The following CAPN2 variants were observed in gnomAD, a reference collection of about 807,000 sequenced individuals.
The protein encoded by CAPN2 is calpain 2, also known as calpain-2 catalytic subunit.
A neutral mutation model predicts 102.3 loss-of-function variants in CAPN2; 92 were observed. The observed-to-expected ratio is 0.90, with a 90% CI of 0.76 to 1.07. The LOEUF (loss-of-function observed/expected upper bound fraction) is 1.07. Among genes scored for constraint, CAPN2 ranks in the 50% least tolerant of loss-of-function variants. CAPN2 has a pLI of 0.00. For missense variants in CAPN2, 800 were observed against 909.4 expected, an observed-to-expected ratio of 0.88 and a Z score of 1.55; for synonymous variants, 340 against 355.4, an observed-to-expected ratio of 0.96 and a Z score of 0.49.
chr1:223,702,625 A>G (rs1221880445), intron 1 of CAPN2, among the ~76,000 whole-genome samples: 1 of 152,180 alleles, frequency 6.6e-6, no homozygotes, highest in African/African-American at 2.4e-5. Flanking sequence ...TATATACATC[A>G]AGAAGAGAGC....
intron 15 of CAPN2, 62 bp downstream of exon 15, chr1:223,764,269 T>C (rs1195181096): frequency 1.4e-6 from 2 of 1,418,346 alleles, no homozygotes; most frequent in Admixed American, 1.7e-5. Context: ...GGAGGGAACA[T>C]GGAAATCTTT....
chr1:223,774,500 C>A (rs1487383882), intron 20 of CAPN2, among the ~76,000 whole-genome samples: 1 of 152,166 alleles, frequency 6.6e-6, no homozygotes, highest in Admixed American at 6.5e-5. Context: ...CCATTGGTTG[C>A]AGGGATATCC....
At chr1:223,732,746 C>T (rs1411221887) in intron 2 of CAPN2, among the ~76,000 whole-genome samples, 6 of 152,210 alleles carry the variant, frequency 3.9e-5, no homozygotes, top group African/African-American at 9.6e-5. Context: ...GTTCACACGC[C>T]TCTGACACAT....
rs757492985 is a variant in CAPN2, at chr1:223,747,020, T to G, written c.584T>G (p.Leu195Arg). The G allele has an allele frequency of 3.6e-5, 58 of 1,613,882 alleles. 2 individuals are homozygous for G. The South Asian group carries it at 6.4e-4, about 18-fold the overall frequency. ...AGGATCAACGGATGCTATGAAGCGC[T>G]ATCAGGGGGTGCCACCACTGAGGGC... ...YAKINGCYEA[L>R]SGGATTEGFE... Residue 195 changes from leucine to arginine, a missense_variant, in exon 5 of 21, where the codon CTA becomes CGA. Coordinates refer to ENST00000295006, the MANE Select transcript of CAPN2 (RefSeq NM_001748.5).
chr1:223,764,918 A>C (rs1045316094), intron 15 of CAPN2, among the ~76,000 whole-genome samples: 1 of 152,220 alleles, frequency 6.6e-6, no homozygotes, highest in Non-Finnish European at 1.5e-5. Context: ...TCTTAAGCAA[A>C]AAAATGTCAG....
chr1:223,771,638 A>C (rs370679795), intron 18 of CAPN2, 171 bp from the exon 19 acceptor site: 3 of 620,440 alleles, frequency 4.8e-6, no homozygotes, highest in Admixed American at 2.8e-5. Context: ...CAAAAGAAAC[A>C]GCAGAAGGTA....
rs1369439865 is a variant in CAPN2 at position 223,754,148 on chromosome 1, A to C, written c.1135+1192A>C. On this transcript the variant is annotated intron_variant, in intron 9 of 20. Transcript: ENST00000295006. The surrounding 1 kb of genome is among the most constrained non-coding windows in gnomAD (Gnocchi z 4.7). ...GGAGTCACTGTGTAAGTACAGTGGC[A>C]GCAGATCATGGTCACATAGTGATTC... 1.3e-5 allele frequency among the ~76,000 whole-genome samples: 2 copies of C among 152,218 alleles called. No individual in the cohort carries two copies. The highest frequency in any genetic ancestry group is 2.9e-5 in the Non-Finnish European group (2 of 68,038).
At chr1:223,734,076 A>G (rs1660392725) in intron 2 of CAPN2, among the ~76,000 whole-genome samples, 2 of 152,122 alleles carry the variant, frequency 1.3e-5, no homozygotes. Flanking sequence ...AAAGCAGGGA[A>G]GGGACCTCAA....
At position 223,775,011 on chromosome 1, in the gene CAPN2, G is replaced by GAGAT. The variant is rs1361029982; in HGVS notation, c.*157_*160dup. ...CTGAAAATAATGATACTGTCAATTTGAGATAGCAGAAGTTTCACACATCAA... is the reference window on the plus strand; with the variant it reads ...CTGAAAATAATGATACTGTCAATTTGAGATAGATAGCAGAAGTTTCACACATCAA... On this transcript the variant is annotated 3_prime_UTR_variant, in exon 21 of 21. Transcript: ENST00000295006. The GAGAT allele has an allele frequency of 1.5e-6, 1 of 674,170 alleles. No individual in the cohort carries two copies. The highest frequency in any genetic ancestry group is 2.7e-5 in the Admixed American group (1 of 36,602). 41.8% of individuals were successfully genotyped at this position (674,170 alleles called of 1,614,324 possible). A position where few individuals can be genotyped will look rare whatever the true frequency, so the allele number is the denominator to read the frequency against.
rs369686010 is a variant in CAPN2 at position 223,712,734 on chromosome 1, T to C, written c.94T>C (p.Tyr32His). The C allele has an allele frequency of 6.3e-7, 1 of 1,587,812 alleles. No individual in the cohort carries two copies. The highest frequency in any genetic ancestry group is 1.1e-5 in the South Asian group (1 of 87,076). ...GGCCATCAAGTACCTCAACCAGGAC[T>C]ACGAGGCGCTGCGGAACGAGTGCCT... is the stretch of plus-strand genomic sequence containing the variant. Reference protein sequence around the residue: ...DRAIKYLNQDYEALRNECLEA... With the variant: ...DRAIKYLNQDHEALRNECLEA... Residue 32 changes from tyrosine (Y) to histidine (H), a missense_variant, in exon 1 of 21, where the codon TAC (tyrosine) becomes CAC (histidine). Coordinates refer to ENST00000295006, the MANE Select transcript of CAPN2 (RefSeq NM_001748.5).
At chr1:223,748,312 G>A (rs896025245) in intron 5 of CAPN2, among the ~76,000 whole-genome samples, 1 of 152,306 alleles carries the variant, frequency 6.6e-6, no homozygotes, top group East Asian at 1.9e-4. Context: ...ACAGAGATAA[G>A]AAGCCCTGGC....
chr1:223,770,710 G>A (rs1365148933), intron 18 of CAPN2, 185 bp downstream of exon 18: 25 of 482,320 alleles, frequency 5.2e-5, no homozygotes, highest in Non-Finnish European at 8.5e-5. Flanking sequence ...AATGCAGTAG[G>A]ATGCTCTGCC....
intron 20 of CAPN2, among the ~76,000 whole-genome samples, chr1:223,773,613 G>C (rs1297490469): frequency 6.6e-6 from 1 of 152,136 alleles, no homozygotes; most frequent in Non-Finnish European, 1.5e-5. Flanking sequence ...AGGATTGCTT[G>C]AACCCGGGAG....
chr1:223,725,258 T>G lies in CAPN2; in HGVS notation c.307+7427T>G, dbSNP rs1243486021. The stretch of plus-strand genomic sequence containing the variant: ...ATTAGCCGGGCGTGGTGGCATGCAC[T>G]TGTAGTCCCAGCTACTCAGGAGGCT... On this transcript the variant is annotated intron_variant, in intron 2 of 20. Coordinates refer to ENST00000295006, the MANE Select transcript of CAPN2 (RefSeq NM_001748.5). The surrounding 1 kb of genome is among the most constrained non-coding windows in gnomAD (Gnocchi z 4.1). Among the ~76,000 whole-genome samples the G allele has an allele frequency of 6.6e-6, 1 of 151,908 alleles. No individual in the cohort carries two copies. Among genetic ancestry groups the G allele is most frequent in the Non-Finnish European group, 1.5e-5 (1 of 67,954 alleles).
In CAPN2 at chr1:223,725,165, T is replaced by C. The variant is rs1660156540; in HGVS notation, c.307+7334T>C. On this transcript the variant is annotated intron_variant, in intron 2 of 20. Transcript: ENST00000295006. The surrounding 1 kb of genome is among the most constrained non-coding windows in gnomAD (Gnocchi z 4.1). ...AAATGAAGATAATAATAGTGCCTAC[T>C]ATCAAGACCATCCTGGCTAACACGG... Among the ~76,000 whole-genome samples, 1 of 152,148 alleles carries C rather than the reference T, an allele frequency of 6.6e-6. No homozygotes were observed. Among genetic ancestry groups the C allele is most frequent in the Admixed American group, 6.5e-5 (1 of 15,276 alleles).
Position 223,772,184 on chromosome 1 carries a change from T to TAA in CAPN2, c.2025_2026insAA (p.Phe676AsnfsTer13). 6.2e-7 allele frequency: 1 copy of TAA among 1,614,088 alleles called. No homozygotes were observed. Among genetic ancestry groups the TAA allele is most frequent in the Non-Finnish European group, 8.5e-7 (1 of 1,179,940 alleles). ...CCCTCTTTTTCTCCCTCCACAGAGA[T>TAA]ATTTAAGCAGCTGGATCCCGAGAAT... On this transcript the variant is annotated frameshift_variant, in exon 20 of 21. Coordinates refer to ENST00000295006, the MANE Select transcript of CAPN2 (RefSeq NM_001748.5). LOFTEE classifies it high-confidence loss of function.
rs752078763 is a variant in CAPN2 at position 223,752,054 on chromosome 1, T to C, written c.957T>C (p.His319=). The C allele has an allele frequency of 1.9e-6, 3 of 1,612,094 alleles. No homozygotes were observed. The highest frequency in any genetic ancestry group is 2.5e-6 in the Non-Finnish European group (3 of 1,178,344). ...AGAGGGAAAGGCTGACCAGACGGCA[T>C]GAAGATGGAGAATTCTGGTAAGATT... ...PEERERLTRR[H]EDGEFWMSFS... is the part of the protein sequence containing the mutation. The change falls in exon 8 of 21, where the codon CAT becomes CAC. Residue 319 remains histidine, a synonymous_variant. Coordinates refer to ENST00000295006, the MANE Select transcript of CAPN2 (RefSeq NM_001748.5).
chr1:223,752,242 A>G (rs982054872), intron 8 of CAPN2, among the ~76,000 whole-genome samples, 171 bp downstream of exon 8: 2 of 152,238 alleles, frequency 1.3e-5, no homozygotes, highest in African/African-American at 4.8e-5. Flanking sequence ...TGAATAAAGA[A>G]ATTCTTAAGC....
At chr1:223,704,198 C>T (rs1480857471) in intron 1 of CAPN2, among the ~76,000 whole-genome samples, 10 of 152,022 alleles carry the variant, frequency 6.6e-5, no homozygotes, top group Admixed American at 5.2e-4. Context: ...GGCTAAGACA[C>T]AAGAATCACT....
Sources: gnomAD v4.1 joint callset for allele counts (sites outside exome capture counted in the v4.1 genomes callset) on GRCh38, gnomAD v4.1.1 for gene constraint, Gnocchi (gnomAD v3.1) non-coding constraint, MANE v1.5 for transcripts, NCBI Gene and HGNC (gene_info 2026-07-23, HGNC 2026-07-21) for gene names.